Variants in PTPN14 observed in about 807,000 individuals in gnomAD.
The protein encoded by PTPN14 is protein tyrosine phosphatase non-receptor type 14.
A neutral mutation model predicts 126.8 loss-of-function variants in PTPN14; 53 were observed. The ratio of observed to expected loss-of-function variants is 0.42; its 90% CI spans 0.34 to 0.53. The LOEUF is 0.53. PTPN14 is among the 20% of genes least tolerant of loss of function. The pLI, the probability that PTPN14 is intolerant of heterozygous loss-of-function variation, is 0.08. For missense variants in PTPN14, 1,257 were observed against 1,552.9 expected, an observed-to-expected ratio of 0.81 and a Z score of 3.20; for synonymous variants, 630 against 599.3, an observed-to-expected ratio of 1.05 and a Z score of -0.75.
At chr1:214,482,915 T>A in intron 1 of PTPN14, 1 of 1,596,372 alleles carries the variant, frequency 6.3e-7, no homozygotes, top group Non-Finnish European at 8.6e-7. Flanking sequence ...CAGCACAGGC[T>A]GGAGCTCCCA....
At chr1:214,429,187 G>C (rs1659742803) in intron 3 of PTPN14, among the ~76,000 whole-genome samples, 1 of 152,118 alleles carries the variant, frequency 6.6e-6, no homozygotes, top group South Asian at 2.1e-4. Context: ...ACAGATTTAA[G>C]TCTAAAGAAG....
chr1:214,436,303 T>A (rs115762696), intron 3 of PTPN14, among the ~76,000 whole-genome samples: 15,497 of 152,148 alleles, frequency 0.1, 1,206 homozygotes, highest in African/African-American at 0.22. Context: ...GCTATGCTTA[T>A]TGCCCGGGTG....
At chr1:214,510,223 T>A (rs1654939814) in intron 1 of PTPN14, among the ~76,000 whole-genome samples, 1 of 152,158 alleles carries the variant, frequency 6.6e-6, no homozygotes, top group Non-Finnish European at 1.5e-5. Context: ...GTGGCACAGT[T>A]TGTGACACCC....
chr1:214,543,250 A>C (rs1385367220), intron 1 of PTPN14, among the ~76,000 whole-genome samples: 1 of 152,174 alleles, frequency 6.6e-6, no homozygotes, highest in Non-Finnish European at 1.5e-5. Context: ...CTTAACCCTG[A>C]GATGTTCCTC....
At chr1:214,419,230 T>C (rs1002133718) in intron 3 of PTPN14, among the ~76,000 whole-genome samples, 4 of 152,202 alleles carry the variant, frequency 2.6e-5, no homozygotes, top group Non-Finnish European at 5.9e-5. Flanking sequence ...AACAGGTTAG[T>C]GAAAGCACTC....
intron 3 of PTPN14, among the ~76,000 whole-genome samples, chr1:214,430,545 T>C (rs1033566983): frequency 6.6e-6 from 1 of 152,188 alleles, no homozygotes; most frequent in African/African-American, 2.4e-5. Context: ...GTCCAATCAG[T>C]TGAAGGTCTT....
chr1:214,445,300 C>T (rs541857669), intron 3 of PTPN14, among the ~76,000 whole-genome samples: 14 of 152,222 alleles, frequency 9.2e-5, no homozygotes, highest in Non-Finnish European at 1.5e-4. Context: ...GCCAGATGTA[C>T]GACAGTGTAC....
chr1:214,479,338 T>C (rs888027541), intron 1 of PTPN14, among the ~76,000 whole-genome samples: 4 of 144,986 alleles, frequency 2.8e-5, no homozygotes, highest in Non-Finnish European at 5.9e-5. Flanking sequence ...AGCAAAACCC[T>C]GTCTTTTTTT....
chr1:214,507,850 G>C (rs1393389815), intron 1 of PTPN14, among the ~76,000 whole-genome samples: 1 of 152,136 alleles, frequency 6.6e-6, no homozygotes, highest in Non-Finnish European at 1.5e-5. Context: ...ATTTTAAAAT[G>C]CTTTATTGTA....
At chr1:214,416,080 GACAA>G (rs1444234732) in intron 3 of PTPN14, among the ~76,000 whole-genome samples, 1 of 152,168 alleles carries the variant, frequency 6.6e-6, no homozygotes, top group Non-Finnish European at 1.5e-5. Context: ...AAGCCAGAAA[GACAA>G]ACAGATATTT....
chr1:214,412,585 C>T (rs949020667), intron 4 of PTPN14, among the ~76,000 whole-genome samples: 1 of 152,180 alleles, frequency 6.6e-6, no homozygotes, highest in Non-Finnish European at 1.5e-5. Flanking sequence ...CTGCCTATTT[C>T]CAAGTTCAAT....
In PTPN14 at chr1:214,383,266, T is replaced by A. The variant is rs750378574; in HGVS notation, c.2544+45A>T. 4 of 1,578,746 alleles carry A rather than the reference T, an allele frequency of 2.5e-6. No homozygotes were observed. The African/African-American group carries it at 4.0e-5, about 16-fold the overall frequency. ...TGCCCCTTGCTCAGTGCCTGAAGCATGTGCTTTCACACTGGAAAATGCCCT... is the reference window on the plus strand; with the variant it reads ...TGCCCCTTGCTCAGTGCCTGAAGCAAGTGCTTTCACACTGGAAAATGCCCT... On this transcript the variant is annotated intron_variant, in intron 13 of 18. Transcript: ENST00000366956. The surrounding 1 kb of genome is among the most constrained non-coding windows in gnomAD (Gnocchi z 4.4).
chr1:214,403,031 T>C, intron 5 of PTPN14, 78 bp from the exon 6 acceptor site: 2 of 1,398,978 alleles, frequency 1.4e-6, no homozygotes, highest in Non-Finnish European at 2.0e-6. Context: ...TAAAGCTCCC[T>C]TCCTCAGATG....
At chr1:214,407,783 A>C (rs1263569607) in intron 5 of PTPN14, among the ~76,000 whole-genome samples, 1 of 152,036 alleles carries the variant, frequency 6.6e-6, no homozygotes, top group Non-Finnish European at 1.5e-5. Flanking sequence ...CTAACACCTA[A>C]ATTATATCCT....
chr1:214,355,484 GCTT>G lies in PTPN14; in HGVS notation c.*2435_*2437del. The G allele has an allele frequency of 6.6e-6, 1 of 152,300 alleles. No homozygotes were observed. Among genetic ancestry groups the G allele is most frequent in the South Asian group, 2.1e-4 (1 of 4,830 alleles). The allele number at this position is 152,300 out of a possible 1,614,324, so 9.4% of individuals were successfully genotyped here. A position where few individuals can be genotyped will look rare whatever the true frequency, so the allele number is the denominator to read the frequency against. On this transcript the variant is annotated 3_prime_UTR_variant, in exon 19 of 19. Transcript: ENST00000366956. ...CAAGTATCTTTTTGCTTATTGATGA[GCTT>G]CTTATAATAAGGGTTATAAGCTCTG...
At position 214,475,795 on chromosome 1, in the gene PTPN14, G is replaced by A. The variant is rs371906098; in HGVS notation, c.-154-10838C>T. On this transcript the variant is annotated intron_variant, in intron 1 of 18. Coordinates refer to ENST00000366956, the MANE Select transcript of PTPN14 (RefSeq NM_005401.5). Reference sequence around the variant, plus strand: ...CACCCCATTTTACACACTAAGGACTGAGGCTAAAGAGAGGAAATAACTTCC... The same window carrying A: ...CACCCCATTTTACACACTAAGGACTAAGGCTAAAGAGAGGAAATAACTTCC... 3.9e-5 allele frequency among the ~76,000 whole-genome samples: 6 copies of A among 152,254 alleles called. No individual in the cohort carries two copies. The East Asian group carries it at 1.2e-3, about 29-fold the overall frequency.
chr1:214,536,878 C>T (rs1655721847), intron 1 of PTPN14, among the ~76,000 whole-genome samples: 1 of 152,020 alleles, frequency 6.6e-6, no homozygotes, highest in South Asian at 2.1e-4. Flanking sequence ...ATTACTTTTG[C>T]GCCAACCTAT....
At chr1:214,377,782 C>T (rs757073139) in intron 14 of PTPN14, among the ~76,000 whole-genome samples, 177 bp downstream of exon 14, 3 of 152,218 alleles carry the variant, frequency 2.0e-5, no homozygotes, top group South Asian at 2.1e-4. Context: ...AATGGAGAAA[C>T]ATGAGATGCT....
At chr1:214,375,274 C>A (rs1428290214) in intron 15 of PTPN14, among the ~76,000 whole-genome samples, 1 of 152,124 alleles carries the variant, frequency 6.6e-6, no homozygotes, top group Non-Finnish European at 1.5e-5. Flanking sequence ...CTTAAAAAAA[C>A]CTGTTAATAA....
Sources: allele counts gnomAD v4.1 joint callset (sites outside exome capture counted in the v4.1 genomes callset), GRCh38; gene constraint gnomAD v4.1.1; non-coding constraint Gnocchi (gnomAD v3.1); transcripts MANE v1.5; gene names NCBI Gene and HGNC (gene_info 2026-07-23, HGNC 2026-07-21).